PCDH15: variants seen among roughly 807,000 people sequenced by gnomAD.
PCDH15 encodes the protein protocadherin-15.
Under a neutral mutation model 178.5 loss-of-function variants are expected in PCDH15, and 129 were observed. The observed-to-expected ratio is 0.72, with a 90% CI of 0.63 to 0.84. The LOEUF is 0.84. Ranked by LOEUF, PCDH15 falls within the 40% of genes least tolerant of loss-of-function variation. The probability of loss-of-function intolerance (pLI) is 0.00; values close to 1 mark genes in which losing one functional copy is unlikely to be tolerated. For missense variants in PCDH15, 2,230 were observed against 2,099.9 expected (o/e 1.06, Z -1.21); for synonymous variants, 800 against 732.0 (o/e 1.09, Z -1.50).
At chr10:53,876,478 G>T (rs1428047050) in intron 26 of PCDH15, among the ~76,000 whole-genome samples, 2 of 152,046 alleles carry the variant, frequency 1.3e-5, no homozygotes, top group African/African-American at 2.4e-5. Flanking sequence ...GAGCCACCGC[G>T]CCCGGCCAAC....
chr10:55,471,881 C>T (rs1230821407), intron 2 of PCDH15, among the ~76,000 whole-genome samples: 1 of 152,254 alleles, frequency 6.6e-6, no homozygotes, highest in Admixed American at 6.5e-5. Flanking sequence ...ACCTGGGGAT[C>T]TTGCCCATTT....
rs182202222 is a variant in PCDH15 at position 54,513,396 on chromosome 10, G to C, written c.157+14416C>G. Among the ~76,000 whole-genome samples the C allele has an allele frequency of 3.3e-5, 5 of 152,054 alleles. No individual in the cohort carries two copies. The East Asian group carries it at 9.7e-4, about 29-fold the overall frequency. The stretch of plus-strand genomic sequence containing the variant: ...ATGCCTCGGCCTCCCAAGTAGCTGA[G>C]ATTACAGGTGCACGCCCCCATGCCT... On this transcript the variant is annotated intron_variant, in intron 3 of 37. Coordinates refer to ENST00000644397, the MANE Select transcript of PCDH15 (RefSeq NM_001384140.1).
chr10:55,480,640 T>G (rs1840159495), intron 2 of PCDH15, among the ~76,000 whole-genome samples: 1 of 151,876 alleles, frequency 6.6e-6, no homozygotes, highest in African/African-American at 2.4e-5. Context: ...CATTTATTGA[T>G]TTGTGTATGT....
intron 2 of PCDH15, among the ~76,000 whole-genome samples, chr10:55,066,373 T>G (rs1322489308): frequency 1.3e-5 from 2 of 151,178 alleles, no homozygotes; most frequent in Admixed American, 6.6e-5. Context: ...TGTAAGTGAA[T>G]GCAAAAGTAA....
intron 13 of PCDH15, among the ~76,000 whole-genome samples, chr10:54,177,730 G>T (rs1376057983): frequency 6.6e-6 from 1 of 152,168 alleles, no homozygotes; most frequent in Non-Finnish European, 1.5e-5. Flanking sequence ...CTATCCTGCT[G>T]CCTGTGGAAC....
chr10:54,600,346 G>A (rs1319161911), intron 2 of PCDH15: 2 of 538,148 alleles, frequency 3.7e-6, no homozygotes, highest in African/African-American at 3.8e-5. Context: ...TGTCAATGGA[G>A]AGGTAGAAGG....
chr10:54,176,615 C>T (rs1046147711), intron 13 of PCDH15, among the ~76,000 whole-genome samples: 9 of 152,124 alleles, frequency 5.9e-5, no homozygotes, highest in African/African-American at 2.2e-4. Context: ...ACATAGATGT[C>T]CTTGACTGTA....
chr10:54,038,585 T>C (rs2093470751), intron 18 of PCDH15, among the ~76,000 whole-genome samples: 1 of 151,906 alleles, frequency 6.6e-6, no homozygotes, highest in African/African-American at 2.4e-5. Flanking sequence ...AGTCAGGATA[T>C]GGGCTACACT....
intron 28 of PCDH15, among the ~76,000 whole-genome samples, chr10:53,844,515 A>G (rs2077853177): frequency 6.6e-6 from 1 of 151,944 alleles, no homozygotes; most frequent in Non-Finnish European, 1.5e-5. Flanking sequence ...AAAAAACATG[A>G]TATGACCATA....
At chr10:55,612,566 T>C (rs2132161193) in intron 2 of PCDH15, among the ~76,000 whole-genome samples, 1 of 152,286 alleles carries the variant, frequency 6.6e-6, no homozygotes, top group South Asian at 2.1e-4. Context: ...ACTGAAATTT[T>C]ATGGCAAACC....
chr10:54,349,793 A>C (rs892405037), intron 5 of PCDH15, among the ~76,000 whole-genome samples: 1 of 152,224 alleles, frequency 6.6e-6, no homozygotes, highest in Non-Finnish European at 1.5e-5. Context: ...CACAGGAAAA[A>C]AATTGAATAT....
At chr10:55,259,718 C>G (rs1210944748) in intron 1 of PCDH15, among the ~76,000 whole-genome samples, 1 of 151,852 alleles carries the variant, frequency 6.6e-6, no homozygotes, top group Admixed American at 6.6e-5. Flanking sequence ...CCAGCCTCAA[C>G]ATGGAGAAAC....
intron 20 of PCDH15, among the ~76,000 whole-genome samples, chr10:53,996,356 A>AT (rs879461082): frequency 6.6e-6 from 1 of 152,102 alleles, no homozygotes; most frequent in Admixed American, 6.5e-5. Context: ...AATTTACTGA[A>AT]TTTTTTTCAG....
chr10:55,331,193 C>G (rs925904093), intron 2 of PCDH15, among the ~76,000 whole-genome samples: 1 of 151,856 alleles, frequency 6.6e-6, no homozygotes, highest in Non-Finnish European at 1.5e-5. Flanking sequence ...GTGTCACCAT[C>G]TGAGTGTATT....
intron 3 of PCDH15, among the ~76,000 whole-genome samples, chr10:54,835,899 A>C (rs1953308149): frequency 6.6e-6 from 1 of 152,166 alleles, no homozygotes; most frequent in Admixed American, 6.6e-5. Context: ...TAAAACTCCC[A>C]AAATATAAAC....
At chr10:55,492,064 T>C (rs981877418) in intron 2 of PCDH15, among the ~76,000 whole-genome samples, 1 of 151,736 alleles carries the variant, frequency 6.6e-6, no homozygotes, top group African/African-American at 2.4e-5. Context: ...GCCATTCTGA[T>C]GGAGGAGTGA....
At chr10:55,605,292 T>C (rs1040316911) in intron 2 of PCDH15, among the ~76,000 whole-genome samples, 12 of 152,142 alleles carry the variant, frequency 7.9e-5, no homozygotes, top group African/African-American at 2.7e-4. Flanking sequence ...ACCAGATGGA[T>C]TCACAGTCGA....
chr10:54,216,525 G>C (rs927092571), intron 9 of PCDH15, among the ~76,000 whole-genome samples: 1 of 152,140 alleles, frequency 6.6e-6, no homozygotes, highest in Non-Finnish European at 1.5e-5. Context: ...AATGACTCTA[G>C]ATCATAAGCA....
chr10:55,102,981 G>A (rs934351561), intron 2 of PCDH15, among the ~76,000 whole-genome samples: 4 of 152,120 alleles, frequency 2.6e-5, no homozygotes, highest in Admixed American at 6.6e-5. Context: ...AGGAGGAAGA[G>A]GAGGTGTTGT....
Sources: gnomAD v4.1 joint callset for allele counts (sites outside exome capture counted in the v4.1 genomes callset) on GRCh38, gnomAD v4.1.1 for gene constraint, MANE v1.5 for transcripts, NCBI Gene and HGNC (gene_info 2026-07-23, HGNC 2026-07-21) for gene names.